The following ANKAR variants were observed in gnomAD, a reference collection of about 807,000 sequenced individuals.
ANKAR encodes ankyrin and armadillo repeat-containing protein.
In ANKAR, 136 loss-of-function variants were observed where a neutral mutation model predicts 146.2. The ratio of observed to expected loss-of-function variants is 0.93; its 90% CI spans 0.81 to 1.07. The LOEUF is 1.07. Ranked by LOEUF, ANKAR falls within the 50% of genes least tolerant of loss-of-function variation. ANKAR has a pLI of 0.00. For synonymous variants in ANKAR, 500 were observed against 575.8 expected, an observed-to-expected ratio of 0.87 and a Z score of 1.88; for missense variants, 1,567 against 1,679.9, an observed-to-expected ratio of 0.93 and a Z score of 1.18.
chr2:189,711,160 C>T lies in ANKAR; in HGVS notation c.2224+7C>T, dbSNP rs2039634125. On this transcript the variant is annotated splice_region_variant and intron_variant, in intron 10 of 22. Transcript: ENST00000684021. Reference sequence around the variant, plus strand: ...AGATGTATTTTGGATGCAGGTGATGCAAACTCTATTAATAACTTTTTATGC... The same window carrying T: ...AGATGTATTTTGGATGCAGGTGATGTAAACTCTATTAATAACTTTTTATGC... 8 of 1,592,718 alleles carry T rather than the reference C, an allele frequency of 5.0e-6. No homozygotes were observed. Among genetic ancestry groups the T allele is most frequent in the Non-Finnish European group, 6.0e-6 (7 of 1,162,564 alleles).
At chr2:189,686,327 T>A (rs1374869004) in intron 2 of ANKAR, among the ~76,000 whole-genome samples, 2 of 152,228 alleles carry the variant, frequency 1.3e-5, no homozygotes, top group Admixed American at 1.3e-4. Context: ...GTCTTACGAC[T>A]ACAAGCAGTT....
At position 189,730,602 on chromosome 2, in the gene ANKAR, G is replaced by C; in HGVS notation, c.3300+1G>C. The C allele has an allele frequency of 1.3e-6, 2 of 1,511,388 alleles. No individual in the cohort carries two copies. Among genetic ancestry groups the C allele is most frequent in the Non-Finnish European group, 1.8e-6 (2 of 1,110,974 alleles). The allele number at this position is 1,511,388 out of a possible 1,614,324, so 93.6% of individuals were successfully genotyped here. A position where few individuals can be genotyped will look rare whatever the true frequency, so the allele number is the denominator to read the frequency against. ...AAATCACCCTTCTCCTAACATTAAG[G>C]TATAAAGGTTTACATTGTTTTCTGA... On this transcript the variant is annotated splice_donor_variant, in intron 16 of 22. Coordinates refer to ENST00000684021, the MANE Select transcript of ANKAR (RefSeq NM_001378068.1). LOFTEE classifies it high-confidence loss of function.
intron 3 of ANKAR, among the ~76,000 whole-genome samples, chr2:189,691,303 G>A (rs1162173922): frequency 1.3e-5 from 2 of 152,158 alleles, no homozygotes; most frequent in Non-Finnish European, 2.9e-5. Context: ...TGATCCACCC[G>A]CCTCGGCCTC....
intron 18 of ANKAR, chr2:189,754,211 A>AT: frequency 6.2e-7 from 1 of 1,613,876 alleles, no homozygotes; most frequent in South Asian, 1.1e-5. Flanking sequence ...AAAAATCACA[A>AT]TTTTTAGCAT....
intron 4 of ANKAR, chr2:189,692,843 A>G (rs1376354308): frequency 1.0e-5 from 3 of 287,110 alleles, no homozygotes; most frequent in Non-Finnish European, 1.9e-5. Context: ...TAAAAATTCT[A>G]CATTTCAATT....
chr2:189,750,820 C>T (rs1348764604), downstream of ANKAR, among the ~76,000 whole-genome samples: 3 of 152,038 alleles, frequency 2.0e-5, no homozygotes, highest in African/African-American at 7.2e-5. Flanking sequence ...GACCTCAAGT[C>T]AGGATAATGA....
rs201577576 is a variant in ANKAR, at chr2:189,728,415, A to G, written c.3026A>G (p.Tyr1009Cys). 1 of 1,593,914 alleles carries G rather than the reference A, an allele frequency of 6.3e-7. No homozygotes were observed. The highest frequency in any genetic ancestry group is 2.2e-5 in the East Asian group (1 of 44,702). ...TTGTCACCATCAGCTAAAATGCAGT[A>G]TGTTGGTAAGTTATTTTCCTTATTT... ...MLLSPSAKMQ[Y>C]VGGEAVIALS... is the part of the protein sequence containing the mutation. The change falls in exon 14 of 23, where the codon TAT becomes TGT. Residue 1009 changes from tyrosine to cysteine, a missense_variant. Physicochemically the swap from Tyr to Cys is radical, Grantham distance 194 (BLOSUM62 -2). Transcript: ENST00000684021.
At chr2:189,750,257 T>C (rs1306414566), downstream of ANKAR, among the ~76,000 whole-genome samples, 1 of 152,198 alleles carries the variant, frequency 6.6e-6, no homozygotes, top group Non-Finnish European at 1.5e-5. Flanking sequence ...TAGGCCTGTA[T>C]GATACAGGGC....
chr2:189,737,684 A>T lies in ANKAR; in HGVS notation c.3425A>T (p.Asp1142Val), dbSNP rs1378312591. The T allele has an allele frequency of 2.5e-6, 4 of 1,584,832 alleles. No individual in the cohort carries two copies. The African/African-American group carries it at 5.5e-5, about 22-fold the overall frequency. ...AATGCCTGTTTCTCCTATTTTTAGGATATTTGCTTAAGAGCAGGCTATGCA... is the reference window on the plus strand; with the variant it reads ...AATGCCTGTTTCTCCTATTTTTAGGTTATTTGCTTAAGAGCAGGCTATGCA... ...VLYLLHSTEK[D>V]ICLRAGYALT... is the part of the protein sequence containing the mutation. The change falls in exon 18 of 23, where the codon GAT (aspartate) becomes GTT (valine). Residue 1142 changes from aspartate (D) to valine (V), a missense_variant and splice_region_variant. Physicochemically the swap from Asp to Val is radical, Grantham distance 152. Coordinates refer to ENST00000684021, the MANE Select transcript of ANKAR (RefSeq NM_001378068.1).
intron 6 of ANKAR, 27 bp from the exon 7 acceptor site, chr2:189,696,123 A>G (rs1559076094): frequency 6.2e-7 from 1 of 1,607,278 alleles, no homozygotes; most frequent in East Asian, 2.2e-5. Context: ...CATTTTGATA[A>G]ACTGATTCTG....
chr2:189,677,488 G>A (rs1413959219), intron 2 of ANKAR, among the ~76,000 whole-genome samples: 5 of 151,794 alleles, frequency 3.3e-5, no homozygotes, highest in Non-Finnish European at 5.9e-5. Context: ...TCATTCTTAT[G>A]CCTTTGCGTC....
chr2:189,712,386 A>G (rs2105722522), intron 10 of ANKAR, among the ~76,000 whole-genome samples: 1 of 152,298 alleles, frequency 6.6e-6, no homozygotes, highest in Non-Finnish European at 1.5e-5. Flanking sequence ...CCCCTCTGGG[A>G]CGAAGCTTCC....
At chr2:189,761,372 T>C (rs2047048355), downstream of ANKAR, 2 of 1,551,208 alleles carry the variant, frequency 1.3e-6, no homozygotes, top group Non-Finnish European at 1.7e-6. Context: ...AAAGAATGAT[T>C]TTACTTTTTC....
At chr2:189,676,412 A>C (rs2033684715) in intron 1 of ANKAR, 44 bp from the exon 2 acceptor site, 1 of 1,413,366 alleles carries the variant, frequency 7.1e-7, no homozygotes, top group Non-Finnish European at 9.3e-7. Context: ...TTTCATTGGC[A>C]TGTCAGATTT....
At chr2:189,745,027 C>CTACTACTACTGATAATAATAA (rs376824673) in intron 22 of ANKAR, among the ~76,000 whole-genome samples, 1 of 131,094 alleles carries the variant, frequency 7.6e-6, no homozygotes, top group Non-Finnish European at 1.6e-5. Flanking sequence ...ACTACTACTA[C>CTACTACTACTGATAATAATAA]TAATAATACA....
intron 11 of ANKAR, among the ~76,000 whole-genome samples, chr2:189,720,213 G>A (rs1284469162): frequency 1.3e-5 from 2 of 151,622 alleles, no homozygotes; most frequent in Non-Finnish European, 2.9e-5. Flanking sequence ...CTCCCAAATA[G>A]TTATTTACAG....
rs200941909 is a variant in ANKAR at position 189,737,798 on chromosome 2, T to G, written c.3539T>G (p.Leu1180Arg). Residue 1180 changes from leucine to arginine, a missense_variant, in exon 18 of 23, where the codon CTT becomes CGT. Transcript: ENST00000684021. The part of the protein sequence containing the change: ...IMTISIFERF[L>R]ESTVETEKAM... The stretch of plus-strand genomic sequence containing the variant: ...ACCATATCTATTTTTGAACGTTTTC[T>G]TGAATCAACAGTTGAAACTGAGAAG... 4.6e-5 allele frequency: 72 copies of G among 1,579,230 alleles called. No individual in the cohort carries two copies. The highest frequency in any genetic ancestry group is 2.8e-4 in the Admixed American group (15 of 53,004).
rs2038748240 is a variant in ANKAR, at chr2:189,705,165, C to T, written c.1851C>T (p.Cys617=). The T allele has an allele frequency of 6.2e-7, 1 of 1,613,978 alleles. No individual in the cohort carries two copies. The highest frequency in any genetic ancestry group is 8.5e-7 in the Non-Finnish European group (1 of 1,180,028). The change falls in exon 8 of 23, where the codon TGC becomes TGT. Residue 617 remains cysteine, a synonymous_variant. Transcript: ENST00000684021. ...IHFAAFYDNV[C]IIIALCRKDP... ...TTGCCGCTTTCTATGACAACGTTTG[C>T]ATCATTATTGCTCTCTGTAGGAAGG... is the stretch of plus-strand genomic sequence containing the variant.
downstream of ANKAR, among the ~76,000 whole-genome samples, chr2:189,748,750 AT>A (rs2044583790): frequency 6.6e-6 from 1 of 152,156 alleles, no homozygotes; most frequent in South Asian, 2.1e-4. Context: ...TTCTGTAGAT[AT>A]TTTTAAAAGC....
Sources: allele counts gnomAD v4.1 joint callset (sites outside exome capture counted in the v4.1 genomes callset), GRCh38; gene constraint gnomAD v4.1.1; transcripts MANE v1.5; gene names NCBI Gene and HGNC (gene_info 2026-07-23, HGNC 2026-07-21).